Variants in FAM118B observed in about 807,000 individuals in gnomAD.
FAM118B encodes the protein SIR2 antiphage like 1, also known as protein FAM118B.
Under a neutral mutation model 38.5 loss-of-function variants are expected in FAM118B, and 24 were observed. That is an observed-to-expected ratio of 0.62 (90% CI 0.45 to 0.88). The LOEUF (loss-of-function observed/expected upper bound fraction) is 0.88, where lower values mean the gene tolerates loss of function less well. Ranked by LOEUF, FAM118B falls within the 40% of genes least tolerant of loss-of-function variation. The pLI is 0.00. For missense variants in FAM118B, 334 were observed against 420.0 expected, an observed-to-expected ratio of 0.80 and a Z score of 1.79; for synonymous variants, 138 against 156.3, an observed-to-expected ratio of 0.88 and a Z score of 0.87.
At chr11:126,225,337 C>G (rs1331402340) in intron 1 of FAM118B, among the ~76,000 whole-genome samples, 5 of 152,226 alleles carry the variant, frequency 3.3e-5, no homozygotes, top group African/African-American at 4.8e-5. Flanking sequence ...ATTTGGCACA[C>G]TACTTTCAAA....
rs534664949 is a variant in FAM118B at position 126,252,107 on chromosome 11, G to A, written c.567+1374G>A. On this transcript the variant is annotated intron_variant, in intron 5 of 8. Transcript: ENST00000533050. This position sits in a 1 kb window ranked among gnomAD's most constrained non-coding sequence, Gnocchi z 4.7. ...GTTCAAGCGATTCTCCTGCCTCAGC[G>A]TCCCGAATAGCTGGGATTACAGGCA... 1.0e-3 allele frequency among the ~76,000 whole-genome samples: 152 copies of A among 151,888 alleles called. 2 individuals are homozygous for A. Among genetic ancestry groups the A allele is most frequent in the African/African-American group, 3.5e-3 (145 of 41,396 alleles).
rs377413920 is a variant in FAM118B, at chr11:126,245,928, G to A, written c.340-4578G>A. On this transcript the variant is annotated intron_variant, in intron 4 of 8. Transcript: ENST00000533050. ...GGAGAATTGCTTGAACCCGGGAGGCGGAGGTTGCAGTGAGCCGAGATAGCG... is the reference window on the plus strand; with the variant it reads ...GGAGAATTGCTTGAACCCGGGAGGCAGAGGTTGCAGTGAGCCGAGATAGCG... Among the ~76,000 whole-genome samples the A allele has an allele frequency of 6.8e-4, 103 of 151,070 alleles. No homozygotes were observed. In the East Asian group the frequency reaches 0.018, roughly 26 times the overall value.
At chr11:126,216,446 C>G (rs985184093) in intron 1 of FAM118B, among the ~76,000 whole-genome samples, 12 of 152,166 alleles carry the variant, frequency 7.9e-5, no homozygotes, top group African/African-American at 2.9e-4. Flanking sequence ...TCTTTAGAGG[C>G]AACCACTCAG....
At chr11:126,214,514 G>GTTTTTTTTTTTTTTTTTTTTTT (rs71048770) in intron 1 of FAM118B, 4 of 41,514 alleles carry the variant, frequency 9.6e-5, no homozygotes, top group African/African-American at 1.2e-4. Flanking sequence ...TTTTTTTTTT[G>GTTTTTTTTTTTTTTTTTTTTTT]TTTTTTTTTT....
chr11:126,246,765 T>C (rs993060423), intron 4 of FAM118B, among the ~76,000 whole-genome samples: 1 of 152,128 alleles, frequency 6.6e-6, no homozygotes, highest in Non-Finnish European at 1.5e-5. Flanking sequence ...TTACTAAGTT[T>C]CAGGGTAGAA....
At chr11:126,218,896 T>C (rs560873735) in intron 1 of FAM118B, among the ~76,000 whole-genome samples, 1 of 152,372 alleles carries the variant, frequency 6.6e-6, no homozygotes, top group East Asian at 1.9e-4. Flanking sequence ...CAGTTCTTCA[T>C]TGCTCCTGCT....
chr11:126,220,462 A>G (rs1463744721), intron 1 of FAM118B, among the ~76,000 whole-genome samples: 1 of 151,852 alleles, frequency 6.6e-6, no homozygotes, highest in Non-Finnish European at 1.5e-5. Context: ...TGTAATCCCA[A>G]CACTTTGGGA....
intron 3 of FAM118B, among the ~76,000 whole-genome samples, chr11:126,238,972 C>A (rs1171432804): frequency 7.7e-6 from 1 of 129,878 alleles, no homozygotes; most frequent in African/African-American, 2.8e-5. Context: ...AAGTGGAAGT[C>A]TTTTTTTTTT....
chr11:126,232,401 G>A (rs371104888), intron 2 of FAM118B, among the ~76,000 whole-genome samples: 10 of 152,032 alleles, frequency 6.6e-5, no homozygotes, highest in African/African-American at 2.4e-4. Context: ...AAGGTTATGC[G>A]GATTAATGAG....
intron 7 of FAM118B, among the ~76,000 whole-genome samples, chr11:126,259,825 A>G (rs1232074920): frequency 6.6e-6 from 1 of 151,336 alleles, no homozygotes; most frequent in Non-Finnish European, 1.5e-5. Context: ...GGTTCACGCC[A>G]TTCTCCTGCC....
Position 126,243,903 on chromosome 11 carries a change from C to CAA in FAM118B, c.339+2874_339+2875dup, listed in dbSNP as rs34063466. 2.3e-4 allele frequency among the ~76,000 whole-genome samples: 24 copies of CAA among 104,574 alleles called. No individual in the cohort carries two copies. In the South Asian group the frequency reaches 3.5e-3, roughly 15 times the overall value. The allele number at this position is 104,574 out of a possible 152,430, so 68.6% of individuals were successfully genotyped here. A position where few individuals can be genotyped will look rare whatever the true frequency, so the allele number is the denominator to read the frequency against. ...TGGACGACAGAGCAAGACTCCGTCT[C>CAA]AAAAAAAAAAAAAAAAGTCTGCATA... On this transcript the variant is annotated intron_variant, in intron 4 of 8. Transcript: ENST00000533050.
chr11:126,211,737 G>C, upstream of FAM118B: 1 of 1,384,788 alleles, frequency 7.2e-7, no homozygotes, highest in Admixed American at 2.2e-5. Context: ...GTGCGGGGTG[G>C]GGCCTGGGCG....
intron 4 of FAM118B, among the ~76,000 whole-genome samples, chr11:126,249,754 A>AT (rs1565337642): frequency 1.4e-5 from 2 of 147,758 alleles, no homozygotes; most frequent in Non-Finnish European, 3.0e-5. Context: ...AAAAAAAAAA[A>AT]GAAAAAGAAA....
At chr11:126,246,232 T>A (rs1950418023) in intron 4 of FAM118B, among the ~76,000 whole-genome samples, 1 of 152,184 alleles carries the variant, frequency 6.6e-6, no homozygotes, top group African/African-American at 2.4e-5. Context: ...CTTTTCTGAC[T>A]TTTGTGTGTG....
chr11:126,254,883 G>T (rs1950552944), intron 6 of FAM118B, among the ~76,000 whole-genome samples: 1 of 152,126 alleles, frequency 6.6e-6, no homozygotes. Context: ...TTAACTTATG[G>T]GTGTGCATGC....
At chr11:126,254,497 A>G (rs980097894) in intron 6 of FAM118B, 64 bp downstream of exon 6, 13 of 1,593,984 alleles carry the variant, frequency 8.2e-6, no homozygotes, top group Admixed American at 6.8e-5. Flanking sequence ...TAAATATGCC[A>G]TAGATCTTAA....
chr11:126,224,030 C>T (rs1390860413), intron 1 of FAM118B, among the ~76,000 whole-genome samples: 2 of 152,146 alleles, frequency 1.3e-5, no homozygotes, highest in Non-Finnish European at 2.9e-5. Context: ...GGTGTTCTTT[C>T]GTTTGAGTTA....
At chr11:126,225,111 G>A (rs899183646) in intron 1 of FAM118B, among the ~76,000 whole-genome samples, 1 of 152,210 alleles carries the variant, frequency 6.6e-6, no homozygotes, top group Non-Finnish European at 1.5e-5. Context: ...TTGCAGCAGA[G>A]GATGGCAAAG....
chr11:126,236,250 A>G (rs954225747), intron 3 of FAM118B, among the ~76,000 whole-genome samples: 2 of 152,232 alleles, frequency 1.3e-5, no homozygotes, highest in African/African-American at 4.8e-5. Flanking sequence ...GTCCTTGCAT[A>G]GCCTCCTAAG....
Sources: allele counts gnomAD v4.1 joint callset (sites outside exome capture counted in the v4.1 genomes callset), GRCh38; gene constraint gnomAD v4.1.1; non-coding constraint Gnocchi (gnomAD v3.1); transcripts MANE v1.5; gene names NCBI Gene and HGNC (gene_info 2026-07-23, HGNC 2026-07-21).